Variants in EYA1 observed in about 807,000 individuals in gnomAD.
EYA1 encodes EYA transcriptional coactivator and phosphatase 1.
A neutral mutation model predicts 82.0 loss-of-function variants in EYA1; 16 were observed. That is an observed-to-expected ratio of 0.20 (90% CI 0.13 to 0.30). EYA1 has a LOEUF of 0.30. EYA1 is among the 10% of genes least tolerant of loss of function. EYA1 has a pLI of 1.00. For synonymous variants in EYA1, 261 were observed against 264.4 expected, an observed-to-expected ratio of 0.99 and a Z score of 0.12; for missense variants, 633 against 730.7, an observed-to-expected ratio of 0.87 and a Z score of 1.54.
At chr8:71,496,913 GAAA>G (rs34711030) in intron 2 of EYA1, among the ~76,000 whole-genome samples, 1 of 140,374 alleles carries the variant, frequency 7.1e-6, no homozygotes. Flanking sequence ...AACTGTCTAA[GAAA>G]AAAAAAAAAA....
intron 2 of EYA1, 93 bp from the exon 3 acceptor site, chr8:71,355,002 T>G: frequency 1.6e-6 from 2 of 1,234,732 alleles, no homozygotes; most frequent in Non-Finnish European, 1.2e-6. Context: ...GAAACACACT[T>G]GCACAAAAGT....
Position 71,199,308 on chromosome 8 carries a change from G to C in EYA1, c.*32C>G. On this transcript the variant is annotated 3_prime_UTR_variant, in exon 18 of 18. Coordinates refer to ENST00000340726, the MANE Select transcript of EYA1 (RefSeq NM_000503.6). ...TGCTGGATCTGTCCCTGGTCACAGA[G>C]CAGCTGTGCGCTGTCAAAGTGCCGA... 6.7e-7 allele frequency: 1 copy of C among 1,502,512 alleles called. No homozygotes were observed. The highest frequency in any genetic ancestry group is 9.2e-7 in the Non-Finnish European group (1 of 1,086,022). The allele number at this position is 1,502,512 out of a possible 1,614,324, so 93.1% of individuals were successfully genotyped here.
At position 71,326,423 on chromosome 8, in the gene EYA1, T is replaced by C. The variant is rs1823155150; in HGVS notation, c.203-4155A>G. 2.0e-5 allele frequency among the ~76,000 whole-genome samples: 3 copies of C among 151,056 alleles called. No homozygotes were observed. In the South Asian group the frequency reaches 6.2e-4, roughly 31 times the overall value. On this transcript the variant is annotated intron_variant, in intron 4 of 17. Coordinates refer to ENST00000340726, the MANE Select transcript of EYA1 (RefSeq NM_000503.6). Reference sequence around the variant, plus strand: ...CTTACAACTTCTCACTTCTCATTTATCACTCTGTTCCAGTCACCAATGTTG... The same window carrying C: ...CTTACAACTTCTCACTTCTCATTTACCACTCTGTTCCAGTCACCAATGTTG...
intron 11 of EYA1, among the ~76,000 whole-genome samples, chr8:71,246,884 CAGCACTGCCCACCCCT>C (rs1456368242): frequency 6.6e-6 from 1 of 151,980 alleles, no homozygotes; most frequent in Non-Finnish European, 1.5e-5. Context: ...GCTATTCCTC[CAGCACTGCCCACCCCT>C]AGCACTGCCC....
chr8:71,326,364 C>T (rs1429243769), intron 4 of EYA1, among the ~76,000 whole-genome samples: 1 of 152,068 alleles, frequency 6.6e-6, no homozygotes, highest in South Asian at 2.1e-4. Context: ...TATCATAAGT[C>T]CAGTCTGTTT....
At position 71,215,691 on chromosome 8, in the gene EYA1, C is replaced by T; in HGVS notation, c.1398G>A (p.Gln466=). 1 of 1,614,166 alleles carries T rather than the reference C, an allele frequency of 6.2e-7. No homozygotes were observed. The highest frequency in any genetic ancestry group is 8.5e-7 in the Non-Finnish European group (1 of 1,179,998). ...TCAGGGCTTCAATTTCGGCCCTCAA[C>T]TGCAGCCAGGCTTCCCTCTTAGCTG... The part of the protein sequence containing the change: ...LGPAKREAWL[Q]LRAEIEALTD... Residue 466 remains glutamine, a synonymous_variant, in exon 15 of 18, where the codon CAG becomes CAA. Coordinates refer to ENST00000340726, the MANE Select transcript of EYA1 (RefSeq NM_000503.6).
chr8:71,377,047 T>G (rs984911289), intron 2 of EYA1, among the ~76,000 whole-genome samples: 1 of 152,196 alleles, frequency 6.6e-6, no homozygotes, highest in Admixed American at 6.5e-5. Context: ...CACTGTCTTC[T>G]GTCTTATTAT....
chr8:71,340,133 C>T (rs143791586), intron 3 of EYA1, among the ~76,000 whole-genome samples: 9 of 152,276 alleles, frequency 5.9e-5, no homozygotes, highest in Non-Finnish European at 1.3e-4. Context: ...TTTAGATGTG[C>T]GTGAGTCGCT....
chr8:71,382,268 AC>A (rs1208019783), intron 2 of EYA1, among the ~76,000 whole-genome samples: 1 of 152,172 alleles, frequency 6.6e-6, no homozygotes, highest in African/African-American at 2.4e-5. Flanking sequence ...TTGAAGTAGT[AC>A]TTATAGTGGT....
intron 12 of EYA1, among the ~76,000 whole-genome samples, chr8:71,230,369 C>T (rs746285286): frequency 1.1e-4 from 17 of 152,190 alleles, no homozygotes; most frequent in Non-Finnish European, 1.6e-4. Flanking sequence ...CCATTTCACA[C>T]GACTTTAAAA....
intron 2 of EYA1, among the ~76,000 whole-genome samples, chr8:71,437,070 A>ATC (rs1554584882): frequency 6.1e-4 from 85 of 139,064 alleles, no homozygotes; most frequent in Admixed American, 1.4e-3. Flanking sequence ...ATATATATAT[A>ATC]TCTCCATCTT....
intron 2 of EYA1, among the ~76,000 whole-genome samples, chr8:71,446,075 C>G (rs1053778122): frequency 2.0e-5 from 3 of 152,170 alleles, no homozygotes; most frequent in East Asian, 1.9e-4. Flanking sequence ...TTATGAAAAG[C>G]CTTCAGAACT....
chr8:71,546,813 T>C (rs1447987505), intron 1 of EYA1, among the ~76,000 whole-genome samples: 1 of 152,160 alleles, frequency 6.6e-6, no homozygotes, highest in Non-Finnish European at 1.5e-5. Context: ...CCGATTCTTT[T>C]GAATATATAA....
At chr8:71,528,378 C>T (rs1345395073) in intron 2 of EYA1, among the ~76,000 whole-genome samples, 1 of 152,186 alleles carries the variant, frequency 6.6e-6, no homozygotes, top group Non-Finnish European at 1.5e-5. Flanking sequence ...TGTCACTGTC[C>T]TGGCTCTGGA....
intron 11 of EYA1, among the ~76,000 whole-genome samples, chr8:71,267,116 C>A (rs891013483): frequency 1.3e-5 from 2 of 152,178 alleles, no homozygotes; most frequent in East Asian, 1.9e-4. Context: ...TAAATCAGAT[C>A]TTCTCATCTC....
chr8:71,400,135 TA>T (rs1343759663), intron 2 of EYA1, among the ~76,000 whole-genome samples: 2 of 151,906 alleles, frequency 1.3e-5, no homozygotes, highest in African/African-American at 4.8e-5. Flanking sequence ...CACCTTATAC[TA>T]AAATTAACTC....
At chr8:71,526,717 G>GA (rs1813844828) in intron 2 of EYA1, among the ~76,000 whole-genome samples, 1 of 152,192 alleles carries the variant, frequency 6.6e-6, no homozygotes, top group Admixed American at 6.5e-5. Flanking sequence ...AGAGCAGGGA[G>GA]AAAGCCATAC....
chr8:71,347,029 T>C (rs1449152439), intron 3 of EYA1, among the ~76,000 whole-genome samples: 2 of 152,216 alleles, frequency 1.3e-5, no homozygotes, highest in Non-Finnish European at 2.9e-5. Flanking sequence ...GAAACACACA[T>C]ATAAATGAAT....
chr8:71,290,495 T>C (rs1818877749), intron 9 of EYA1, among the ~76,000 whole-genome samples: 1 of 152,176 alleles, frequency 6.6e-6, no homozygotes, highest in South Asian at 2.1e-4. Context: ...TTATTTTGAT[T>C]AATATAAAAA....
Sources: gnomAD v4.1 joint callset for allele counts (sites outside exome capture counted in the v4.1 genomes callset) on GRCh38, gnomAD v4.1.1 for gene constraint, MANE v1.5 for transcripts, NCBI Gene and HGNC (gene_info 2026-07-23, HGNC 2026-07-21) for gene names.